KIF13A: variants seen among roughly 807,000 people sequenced by gnomAD.
The protein encoded by KIF13A is kinesin-like protein KIF13A.
KIF13A carries 79 observed loss-of-function variants against 212.2 expected under a neutral mutation model. The ratio of observed to expected loss-of-function variants is 0.37; its 90% CI spans 0.31 to 0.45. KIF13A has a LOEUF of 0.45. KIF13A is among the 20% of genes least tolerant of loss of function. The probability of loss-of-function intolerance (pLI) is 1.00; values close to 1 mark genes in which losing one functional copy is unlikely to be tolerated. For missense variants in KIF13A, 1,901 were observed against 2,209.0 expected, an observed-to-expected ratio of 0.86 and a Z score of 2.79; for synonymous variants, 789 against 808.6, an observed-to-expected ratio of 0.98 and a Z score of 0.41.
rs554409202 is a variant in KIF13A, at chr6:17,776,256, T to C, written c.4170+1021A>G. On this transcript the variant is annotated intron_variant, in intron 34 of 38. Coordinates refer to ENST00000259711, the MANE Select transcript of KIF13A (RefSeq NM_022113.6). This position sits in a 1 kb window ranked among gnomAD's most constrained non-coding sequence, Gnocchi z 4.6. Reference sequence around the variant, plus strand: ...AATATAAGAGCTATATATTTCCTAATAGTAGCCCTCACTCTCTCATTTTTT... The same window carrying C: ...AATATAAGAGCTATATATTTCCTAACAGTAGCCCTCACTCTCTCATTTTTT... Among the ~76,000 whole-genome samples, 1 of 152,202 alleles carries C rather than the reference T, an allele frequency of 6.6e-6. No individual in the cohort carries two copies.
At position 17,777,680 on chromosome 6, in the gene KIF13A, G is replaced by A. The variant is rs111354407; in HGVS notation, c.4093-326C>T. Among the ~76,000 whole-genome samples, 1,048 of 152,050 alleles carry A rather than the reference G, an allele frequency of 6.9e-3. 11 individuals are homozygous for A. Among genetic ancestry groups the A allele is most frequent in the African/African-American group, 0.024 (990 of 41,482 alleles). ...ATTACAGGCGTGAGCCACCGCACCCGGCCATTACTTTATTTTTTATTCTAA... is the reference window on the plus strand; with the variant it reads ...ATTACAGGCGTGAGCCACCGCACCCAGCCATTACTTTATTTTTTATTCTAA... On this transcript the variant is annotated intron_variant, in intron 33 of 38. Coordinates refer to ENST00000259711, the MANE Select transcript of KIF13A (RefSeq NM_022113.6). The surrounding 1 kb of genome is among the most constrained non-coding windows in gnomAD (Gnocchi z 4.4).
chr6:17,922,195 C>A (rs551077963), intron 2 of KIF13A, among the ~76,000 whole-genome samples: 2 of 152,274 alleles, frequency 1.3e-5, no homozygotes, highest in East Asian at 3.9e-4. Context: ...ACAGCCCCTG[C>A]AAAAGTCCAT....
At chr6:17,874,760 C>T (rs1021467451) in intron 3 of KIF13A, among the ~76,000 whole-genome samples, 1 of 151,762 alleles carries the variant, frequency 6.6e-6, no homozygotes, top group South Asian at 2.1e-4. Context: ...TTTTATCCCT[C>T]GCCCCTCTCC....
rs192544476 is a variant in KIF13A at position 17,919,135 on chromosome 6, T to C, written c.147-20955A>G. Among the ~76,000 whole-genome samples the C allele has an allele frequency of 1.3e-5, 2 of 152,314 alleles. No individual in the cohort carries two copies. Among genetic ancestry groups the C allele is most frequent in the East Asian group, 3.9e-4 (2 of 5,172 alleles). On this transcript the variant is annotated intron_variant, in intron 2 of 38. Transcript: ENST00000259711. This position sits in a 1 kb window ranked among gnomAD's most constrained non-coding sequence, Gnocchi z 4.1. ...TCCCTGAATAACTCCACTCTTTGGATTGAAGACCAAGTAAACATACATATA... is the reference window on the plus strand; with the variant it reads ...TCCCTGAATAACTCCACTCTTTGGACTGAAGACCAAGTAAACATACATATA...
Position 17,984,302 on chromosome 6 carries a change from A to G in KIF13A, c.146+2752T>C, listed in dbSNP as rs1003511. ...ATCCACAAGTATCTTTGAATCCCCT[A>G]TGCTGAGCATGGTACTGAAATGATC... is the stretch of plus-strand genomic sequence containing the variant. On this transcript the variant is annotated intron_variant, in intron 2 of 38. Coordinates refer to ENST00000259711, the MANE Select transcript of KIF13A (RefSeq NM_022113.6). This position sits in a 1 kb window ranked among gnomAD's most constrained non-coding sequence, Gnocchi z 5.0. Among the ~76,000 whole-genome samples, 35 of 152,184 alleles carry G rather than the reference A, an allele frequency of 2.3e-4. No individual in the cohort carries two copies. The highest frequency in any genetic ancestry group is 7.2e-4 in the Admixed American group (11 of 15,276).
At position 17,914,157 on chromosome 6, in the gene KIF13A, G is replaced by A. The variant is rs1027025091; in HGVS notation, c.147-15977C>T. Among the ~76,000 whole-genome samples the A allele has an allele frequency of 6.6e-6, 1 of 152,206 alleles. No homozygotes were observed. The highest frequency in any genetic ancestry group is 2.4e-5 in the African/African-American group (1 of 41,454). Reference sequence around the variant, plus strand: ...AAGGCCATTTCTTAGTCTAAAGAATGTTCAGGTTAGAAGGCAAATCTCAAG... The same window carrying A: ...AAGGCCATTTCTTAGTCTAAAGAATATTCAGGTTAGAAGGCAAATCTCAAG... On this transcript the variant is annotated intron_variant, in intron 2 of 38. Transcript: ENST00000259711. This position sits in a 1 kb window ranked among gnomAD's most constrained non-coding sequence, Gnocchi z 5.9.
At chr6:17,874,283 G>GTTTTTTTTTT (rs67558921) in intron 3 of KIF13A, among the ~76,000 whole-genome samples, 1 of 147,940 alleles carries the variant, frequency 6.8e-6, no homozygotes, top group Non-Finnish European at 1.5e-5. Context: ...TTTTGTTTTT[G>GTTTTTTTTTT]TTTTTTGGTG....
intron 2 of KIF13A, among the ~76,000 whole-genome samples, chr6:17,929,770 G>A (rs1415400674): frequency 6.6e-6 from 1 of 152,068 alleles, no homozygotes; most frequent in Non-Finnish European, 1.5e-5. Flanking sequence ...TCTCAAACCC[G>A]ACCTCAAGTG....
downstream of KIF13A, among the ~76,000 whole-genome samples, chr6:17,762,086 A>C (rs1758611848): frequency 6.6e-6 from 1 of 152,000 alleles, no homozygotes; most frequent in Non-Finnish European, 1.5e-5. Flanking sequence ...AATTATTTAA[A>C]CAGAGATAGG....
At position 17,799,293 on chromosome 6, in the gene KIF13A, C is replaced by T. The variant is rs2150331106; in HGVS notation, c.2763G>A (p.Gln921=). Residue 921 remains glutamine, a synonymous_variant, in exon 22 of 39, where the codon CAG becomes CAA. Coordinates refer to ENST00000259711, the MANE Select transcript of KIF13A (RefSeq NM_022113.6). The surrounding 1 kb of genome is among the most constrained non-coding windows in gnomAD (Gnocchi z 4.4). ...EVPSPQSKDA[Q]YTVTFSHCKD... ...TACAGTGGGAGAAGGTCACTGTGTA[C>T]TGGGCATCCTTGGACTGTGGTGAAG... The T allele has an allele frequency of 6.2e-7, 1 of 1,610,162 alleles. No homozygotes were observed. The highest frequency in any genetic ancestry group is 8.5e-7 in the Non-Finnish European group (1 of 1,178,228).
intron 2 of KIF13A, among the ~76,000 whole-genome samples, chr6:17,970,353 A>G (rs145048873): frequency 8.0e-6 from 1 of 125,450 alleles, no homozygotes; most frequent in East Asian, 2.3e-4. Flanking sequence ...TGTAATCCCA[A>G]AATTTTGGTA....
At chr6:17,920,421 C>G (rs1185646536) in intron 2 of KIF13A, among the ~76,000 whole-genome samples, 1 of 152,170 alleles carries the variant, frequency 6.6e-6, no homozygotes, top group African/African-American at 2.4e-5. Flanking sequence ...AAATCTTTCT[C>G]TGCTTGAGAC....
At chr6:17,935,010 G>A (rs942673982) in intron 2 of KIF13A, among the ~76,000 whole-genome samples, 6 of 152,042 alleles carry the variant, frequency 3.9e-5, no homozygotes, top group African/African-American at 1.4e-4. Context: ...TTCCCACCAC[G>A]CTAAGGGCAA....
At chr6:17,780,605 TATAAC>T in intron 31 of KIF13A, 120 bp downstream of exon 31, 1 of 839,330 alleles carries the variant, frequency 1.2e-6, no homozygotes, top group Non-Finnish European at 1.9e-6. Context: ...AGAATCAGAC[TATAAC>T]TTGGCCAGGA....
At chr6:17,972,061 A>C (rs1779849208) in intron 2 of KIF13A, among the ~76,000 whole-genome samples, 1 of 152,224 alleles carries the variant, frequency 6.6e-6, no homozygotes, top group Non-Finnish European at 1.5e-5. Flanking sequence ...CAAGGCTTCA[A>C]AAAACTTAAA....
chr6:17,961,464 A>G lies in KIF13A; in HGVS notation c.146+25590T>C, dbSNP rs113417902. Among the ~76,000 whole-genome samples the G allele has an allele frequency of 2.6e-5, 4 of 152,372 alleles. No individual in the cohort carries two copies. Among genetic ancestry groups the G allele is most frequent in the African/African-American group, 9.6e-5 (4 of 41,592 alleles). The stretch of plus-strand genomic sequence containing the variant: ...AAGCCCTTTATATTCTCCCCGAATT[A>G]GGTTGGACCATGTAGAGTCAAATTG... On this transcript the variant is annotated intron_variant, in intron 2 of 38. Coordinates refer to ENST00000259711, the MANE Select transcript of KIF13A (RefSeq NM_022113.6). This position sits in a 1 kb window ranked among gnomAD's most constrained non-coding sequence, Gnocchi z 4.1.
intron 4 of KIF13A, among the ~76,000 whole-genome samples, chr6:17,861,607 ATTC>A (rs1235631109): frequency 2.0e-5 from 3 of 152,206 alleles, no homozygotes; most frequent in African/African-American, 4.8e-5. Flanking sequence ...CCCTGTGATC[ATTC>A]TTCTTAGTTC....
chr6:17,908,275 A>G (rs959540244), intron 2 of KIF13A, among the ~76,000 whole-genome samples: 3 of 152,174 alleles, frequency 2.0e-5, no homozygotes, highest in African/African-American at 7.2e-5. Flanking sequence ...CTTCCTTTCA[A>G]TTGATACTTA....
intron 4 of KIF13A, among the ~76,000 whole-genome samples, chr6:17,859,145 A>C (rs1316047097): frequency 6.6e-6 from 1 of 152,162 alleles, no homozygotes; most frequent in Non-Finnish European, 1.5e-5. Context: ...CCTTGGTAGG[A>C]ATGGCCTTTT....
Sources: gnomAD v4.1 joint callset for allele counts (sites outside exome capture counted in the v4.1 genomes callset) on GRCh38, gnomAD v4.1.1 for gene constraint, Gnocchi (gnomAD v3.1) non-coding constraint, MANE v1.5 for transcripts, NCBI Gene and HGNC (gene_info 2026-07-23, HGNC 2026-07-21) for gene names.